Variants in PIK3C2A observed in about 807,000 individuals in gnomAD.
PIK3C2A encodes the protein phosphatidylinositol 4-phosphate 3-kinase C2 domain-containing subunit alpha.
PIK3C2A carries 97 observed loss-of-function variants against 204.5 expected under a neutral mutation model. The observed-to-expected ratio is 0.47, with a 90% CI of 0.40 to 0.56. The LOEUF (loss-of-function observed/expected upper bound fraction) is 0.56, where lower values mean the gene tolerates loss of function less well. Among genes scored for constraint, PIK3C2A ranks in the 20% least tolerant of loss-of-function variants. PIK3C2A has a pLI of 0.00. For missense variants in PIK3C2A, 1,735 were observed against 1,969.2 expected, an observed-to-expected ratio of 0.88 and a Z score of 2.25; for synonymous variants, 653 against 664.4, an observed-to-expected ratio of 0.98 and a Z score of 0.26.
At chr11:17,157,739 C>T (rs1173669595) in intron 2 of PIK3C2A, among the ~76,000 whole-genome samples, 3 of 152,146 alleles carry the variant, frequency 2.0e-5, no homozygotes, top group Non-Finnish European at 4.4e-5. Context: ...TGCTACTTCC[C>T]CATTGTATTG....
intron 1 of PIK3C2A, among the ~76,000 whole-genome samples, chr11:17,195,049 G>C: frequency 6.6e-6 from 1 of 152,090 alleles, no homozygotes. Context: ...ATGACACAAT[G>C]AAACTTCCTC....
intron 2 of PIK3C2A, among the ~76,000 whole-genome samples, chr11:17,168,363 C>A (rs990537142): frequency 6.6e-6 from 1 of 152,068 alleles, no homozygotes; most frequent in African/African-American, 2.4e-5. Context: ...GGGTGGATCA[C>A]GAGGTCAGGA....
intron 1 of PIK3C2A, among the ~76,000 whole-genome samples, chr11:17,197,998 T>G (rs1162053687): frequency 1.3e-5 from 2 of 152,214 alleles, no homozygotes; most frequent in African/African-American, 4.8e-5. Context: ...AAGTCTTACT[T>G]TCACATGACA....
rs1392707836 is a variant in PIK3C2A, at chr11:17,199,102, G to C, written c.-66+8746C>G. On this transcript the variant is annotated intron_variant, in intron 1 of 32. Transcript: ENST00000691414. Reference sequence around the variant, plus strand: ...CCATTGCACTCCAGCCTGGGCAACAGAGTGAGACACCGTCTCAAGAAAAAA... The same window carrying C: ...CCATTGCACTCCAGCCTGGGCAACACAGTGAGACACCGTCTCAAGAAAAAA... Among the ~76,000 whole-genome samples, 8 of 148,200 alleles carry C rather than the reference G, an allele frequency of 5.4e-5. No homozygotes were observed. In the East Asian group the frequency reaches 1.2e-3, roughly 22 times the overall value.
At chr11:17,137,778 T>C (rs1849923188) in intron 8 of PIK3C2A, among the ~76,000 whole-genome samples, 1 of 152,148 alleles carries the variant, frequency 6.6e-6, no homozygotes, top group South Asian at 2.1e-4. Flanking sequence ...TCCTCTGCTT[T>C]CCTTTCTGAT....
At chr11:17,105,643 G>T (rs151257603) in intron 22 of PIK3C2A, among the ~76,000 whole-genome samples, 1 of 152,134 alleles carries the variant, frequency 6.6e-6, no homozygotes, top group Non-Finnish European at 1.5e-5. Context: ...GGGAACATGA[G>T]ATGTTTGGTT....
intron 22 of PIK3C2A, among the ~76,000 whole-genome samples, chr11:17,107,532 G>C (rs891022175): frequency 6.6e-6 from 1 of 152,136 alleles, no homozygotes; most frequent in Admixed American, 6.6e-5. Context: ...TACATAAGTA[G>C]TTATATTGTG....
At chr11:17,100,100 T>C (rs1215118461) in intron 25 of PIK3C2A, 131 bp from the exon 26 acceptor site, 22 of 508,150 alleles carry the variant, frequency 4.3e-5, no homozygotes, top group Non-Finnish European at 5.6e-5. Flanking sequence ...GGTTCATTAG[T>C]GTATTGGGGA....
At chr11:17,176,464 A>G (rs900197388) in intron 1 of PIK3C2A, among the ~76,000 whole-genome samples, 153 of 151,752 alleles carry the variant, frequency 1.0e-3, no homozygotes, top group African/African-American at 3.5e-3. Context: ...ATAAATAAAT[A>G]TATAAATTTT....
chr11:17,187,582 TAA>T (rs1270362433), intron 1 of PIK3C2A, among the ~76,000 whole-genome samples: 1 of 152,102 alleles, frequency 6.6e-6, no homozygotes, highest in Non-Finnish European at 1.5e-5. Flanking sequence ...AGTGATTTTT[TAA>T]AAAGACAGTT....
chr11:17,101,374 C>T lies in PIK3C2A; in HGVS notation c.3912G>A (p.Lys1304=), dbSNP rs1365738128. Residue 1304 remains lysine (K), a synonymous_variant, in exon 25 of 33, where the codon AAG becomes AAA. Coordinates refer to ENST00000691414, the MANE Select transcript of PIK3C2A (RefSeq NM_002645.4). ...CAAACAACTGAAAACGAATGGTGGG[C>T]TTTTCACCCCCATTAATGACATATG... ...DMAYVINGGE[K]PTIRFQLFVD... The T allele has an allele frequency of 6.3e-7, 1 of 1,595,572 alleles. No individual in the cohort carries two copies. Among genetic ancestry groups the T allele is most frequent in the East Asian group, 2.2e-5 (1 of 44,746 alleles).
intron 1 of PIK3C2A, among the ~76,000 whole-genome samples, chr11:17,205,174 C>CA (rs1238831925): frequency 6.8e-6 from 1 of 147,652 alleles, no homozygotes; most frequent in Non-Finnish European, 1.5e-5. Flanking sequence ...GAGACTGTCT[C>CA]AAAAAAGAAA....
intron 8 of PIK3C2A, among the ~76,000 whole-genome samples, chr11:17,141,703 G>A (rs1850070102): frequency 6.6e-6 from 1 of 152,078 alleles, no homozygotes; most frequent in Admixed American, 6.5e-5. Context: ...ATTACATTTA[G>A]TGACTTATTT....
intron 11 of PIK3C2A, among the ~76,000 whole-genome samples, 156 bp from the exon 12 acceptor site, chr11:17,132,194 C>G (rs1849717528): frequency 6.6e-6 from 1 of 151,978 alleles, no homozygotes; most frequent in Non-Finnish European, 1.5e-5. Context: ...GAAATTTAAC[C>G]ACTGCAAATT....
At chr11:17,178,270 C>T (rs1851408041) in intron 1 of PIK3C2A, among the ~76,000 whole-genome samples, 1 of 151,960 alleles carries the variant, frequency 6.6e-6, no homozygotes, top group Non-Finnish European at 1.5e-5. Context: ...TCCTTGAAAT[C>T]TGTGCATATT....
Position 17,135,220 on chromosome 11 carries a change from C to A in PIK3C2A, c.1849-61G>T. 2.0e-6 allele frequency: 3 copies of A among 1,527,610 alleles called. No homozygotes were observed. The South Asian group carries it at 3.5e-5, about 18-fold the overall frequency. The allele number at this position is 1,527,610 out of a possible 1,614,324, so 94.6% of individuals were successfully genotyped here. A position where few individuals can be genotyped will look rare whatever the true frequency, so the allele number is the denominator to read the frequency against. ...CTGCCTATGACATAATATAAAATGT[C>A]AAATACTATGTCCAAGAAACTCTTT... is the stretch of plus-strand genomic sequence containing the variant. On this transcript the variant is annotated intron_variant, in intron 9 of 32. Coordinates refer to ENST00000691414, the MANE Select transcript of PIK3C2A (RefSeq NM_002645.4).
Position 17,119,301 on chromosome 11 carries a change from C to G in PIK3C2A, c.2859G>C (p.Gln953His), listed in dbSNP as rs747313709. ...LELLDSKFAD[Q>H]EVRSLAVTWI... Reference sequence around the variant, plus strand: ...AGGTCACAGCTAGGGATCTTACTTCCTGATCAGCAAATCTAGAAGATTACC... The same window carrying G: ...AGGTCACAGCTAGGGATCTTACTTCGTGATCAGCAAATCTAGAAGATTACC... Residue 953 changes from glutamine to histidine, a missense_variant, in exon 17 of 33, where the codon CAG (glutamine) becomes CAC (histidine). Around this residue, in one of 6 missense-constraint regions of PIK3C2A, gnomAD observed 567 missense variants for 576.0 expected, o/e 0.98. Transcript: ENST00000691414. 12 of 1,590,954 alleles carry G rather than the reference C, an allele frequency of 7.5e-6. No homozygotes were observed. The South Asian group carries it at 1.3e-4, about 18-fold the overall frequency.
chr11:17,168,346 C>G (rs999753486), intron 2 of PIK3C2A, among the ~76,000 whole-genome samples: 15 of 152,148 alleles, frequency 9.9e-5, no homozygotes, highest in African/African-American at 3.6e-4. Context: ...CTTTGGGAGG[C>G]TGAGACGGGT....
intron 1 of PIK3C2A, among the ~76,000 whole-genome samples, chr11:17,177,027 T>C (rs538086116): frequency 1.3e-5 from 2 of 152,310 alleles, no homozygotes; most frequent in African/African-American, 2.4e-5. Flanking sequence ...ATACAAGTTA[T>C]GTAATCTGCT....
Sources: gnomAD v4.1 joint callset for allele counts (sites outside exome capture counted in the v4.1 genomes callset) on GRCh38, gnomAD v4.1.1 for gene constraint, gnomAD v4.1.1 regional missense constraint, MANE v1.5 for transcripts, NCBI Gene and HGNC (gene_info 2026-07-23, HGNC 2026-07-21) for gene names.